Variants in PTPRZ1 observed in about 807,000 individuals in gnomAD.
PTPRZ1 encodes protein tyrosine phosphatase receptor type Z1, also known as receptor-type tyrosine-protein phosphatase zeta.
PTPRZ1 carries 82 observed loss-of-function variants against 214.1 expected under a neutral mutation model. The ratio of observed to expected loss-of-function variants is 0.38; its 90% CI spans 0.32 to 0.46. The LOEUF (loss-of-function observed/expected upper bound fraction) is 0.46, where lower values mean the gene tolerates loss of function less well. PTPRZ1 is among the 20% of genes least tolerant of loss of function. The probability of loss-of-function intolerance (pLI) is 1.00; values close to 1 mark genes in which losing one functional copy is unlikely to be tolerated. For synonymous variants in PTPRZ1, 945 were observed against 987.9 expected (o/e 0.96, Z 0.81); for missense variants, 2,603 against 2,748.7 (o/e 0.95, Z 1.19).
In PTPRZ1 at chr7:122,044,476, A is replaced by G. The variant is rs1799821721; in HGVS notation, c.5992A>G (p.Thr1998Ala). The change falls in exon 23 of 30, where the codon ACT (threonine) becomes GCT (alanine). Residue 1998 changes from threonine to alanine, a missense_variant. Physicochemically the swap from Thr to Ala is moderately conservative, Grantham distance 58. Transcript: ENST00000393386. ...TLVEAILSKETEVLDSHIHAY... is the reference protein window; with the variant it reads ...TLVEAILSKEAEVLDSHIHAY... Reference sequence around the variant, plus strand: ...GGTTGAGGCCATACTTAGTAAAGAAACTGAGGTGCTGGACAGTCATATTCA... The same window carrying G: ...GGTTGAGGCCATACTTAGTAAAGAAGCTGAGGTGCTGGACAGTCATATTCA... The G allele has an allele frequency of 1.2e-6, 2 of 1,613,954 alleles. No homozygotes were observed. Among genetic ancestry groups the G allele is most frequent in the Non-Finnish European group, 1.7e-6 (2 of 1,179,838 alleles).
rs115756884 is a variant in PTPRZ1, at chr7:122,034,407, T to C, written c.5284+29T>C. The C allele has an allele frequency of 2.9e-4, 461 of 1,590,888 alleles. 3 individuals are homozygous for C. In the African/African-American group the frequency reaches 5.3e-3, roughly 18 times the overall value. On this transcript the variant is annotated intron_variant, in intron 17 of 29. Coordinates refer to ENST00000393386, the MANE Select transcript of PTPRZ1 (RefSeq NM_002851.3). ...AGTATATTCTTAAATCAGCTCTGAC[T>C]TCAATATCATTGCCATTTTGGTGCC...
At chr7:121,951,615 G>A (rs1796543672) in intron 2 of PTPRZ1, among the ~76,000 whole-genome samples, 1 of 152,202 alleles carries the variant, frequency 6.6e-6, no homozygotes, top group African/African-American at 2.4e-5. Context: ...TCAAACAGGT[G>A]TCAGCTGGGG....
At chr7:122,055,729 A>G (rs887057005) in intron 27 of PTPRZ1, among the ~76,000 whole-genome samples, 1 of 151,950 alleles carries the variant, frequency 6.6e-6, no homozygotes, top group Non-Finnish European at 1.5e-5. Context: ...ATGATTATTT[A>G]CATAGAACTA....
intron 2 of PTPRZ1, among the ~76,000 whole-genome samples, chr7:121,939,252 C>G (rs1442669612): frequency 6.6e-6 from 1 of 152,134 alleles, no homozygotes; most frequent in African/African-American, 2.4e-5. Flanking sequence ...AGCTAAAAAT[C>G]GTAATGAATT....
intron 8 of PTPRZ1, among the ~76,000 whole-genome samples, chr7:121,991,784 A>C (rs1797971992): frequency 6.6e-6 from 1 of 152,258 alleles, no homozygotes; most frequent in African/African-American, 2.4e-5. Flanking sequence ...TAAAGTGAAT[A>C]TGTAATCATT....
chr7:121,908,783 C>A (rs771195994), intron 1 of PTPRZ1: 2 of 493,396 alleles, frequency 4.1e-6, no homozygotes, highest in Admixed American at 2.2e-5. Context: ...AATAGTGCTA[C>A]TCATCTTTCT....
chr7:121,927,250 G>A (rs761229325), intron 1 of PTPRZ1, among the ~76,000 whole-genome samples: 16 of 152,136 alleles, frequency 1.1e-4, no homozygotes, highest in Non-Finnish European at 1.5e-4. Context: ...TCTGCCATCC[G>A]CAATCAGGTT....
Position 122,013,669 on chromosome 7 carries a change from A to T in PTPRZ1, c.4623A>T (p.Ala1541=), listed in dbSNP as rs760432259. Residue 1541 remains alanine, a synonymous_variant, in exon 12 of 30, where the codon GCA becomes GCT. Transcript: ENST00000393386. ...TCAGCCCTGAATCTAAAGCATGGGC[A>T]GTTCTGACAAGTGATGAAGAAAGTG... The part of the protein sequence containing the change: ...LPLSPESKAW[A]VLTSDEESGS... 2 of 1,614,232 alleles carry T rather than the reference A, an allele frequency of 1.2e-6. No homozygotes were observed. Among genetic ancestry groups the T allele is most frequent in the East Asian group, 2.2e-5 (1 of 44,886 alleles).
intron 2 of PTPRZ1, among the ~76,000 whole-genome samples, chr7:121,956,912 T>TC (rs541924399): frequency 2.0e-4 from 30 of 151,294 alleles, no homozygotes; most frequent in Admixed American, 2.0e-4. Context: ...ATATGCTCCT[T>TC]CCCCCCCAAA....
chr7:122,004,430 G>C (rs915486115), intron 10 of PTPRZ1, among the ~76,000 whole-genome samples, 184 bp from the exon 11 acceptor site: 1 of 152,064 alleles, frequency 6.6e-6, no homozygotes, highest in Non-Finnish European at 1.5e-5. Context: ...GTAGTGTTGT[G>C]TTGTAGTGTT....
chr7:122,010,749 A>C lies in PTPRZ1; in HGVS notation c.1703A>C (p.Tyr568Ser). Residue 568 changes from tyrosine to serine, a missense_variant, in exon 12 of 30, where the codon TAT (tyrosine) becomes TCT (serine). By Grantham distance (144) the Tyr-to-Ser change is moderately radical. Around this residue, in one of 6 missense-constraint regions of PTPRZ1, gnomAD observed 1,913 missense variants for 1,914.3 expected, o/e 1.00. Coordinates refer to ENST00000393386, the MANE Select transcript of PTPRZ1 (RefSeq NM_002851.3). ...ESLNTVSITE[Y>S]EEESLLTSFK... ...TTAAATACAGTTTCTATAACAGAAT[A>C]TGAGGAGGAGAGTTTATTGACCAGT... 1 of 1,614,000 alleles carries C rather than the reference A, an allele frequency of 6.2e-7. No individual in the cohort carries two copies. Among genetic ancestry groups the C allele is most frequent in the Non-Finnish European group, 8.5e-7 (1 of 1,179,954 alleles).
At chr7:121,915,835 TTG>T (rs1410412475) in intron 1 of PTPRZ1, among the ~76,000 whole-genome samples, 2 of 152,224 alleles carry the variant, frequency 1.3e-5, no homozygotes, top group South Asian at 2.1e-4. Flanking sequence ...ATCTTTGTCT[TTG>T]TGTTCTATGA....
At position 122,013,727 on chromosome 7, in the gene PTPRZ1, G is replaced by A; in HGVS notation, c.4681G>A (p.Glu1561Lys). The change falls in exon 12 of 30, where the codon GAG (glutamate) becomes AAG (lysine). Residue 1561 changes from glutamate to lysine, a missense_variant. This residue lies in a region of PTPRZ1 where 1,913 missense variants were observed against 1,914.3 expected (regional missense o/e 1.00). Coordinates refer to ENST00000393386, the MANE Select transcript of PTPRZ1 (RefSeq NM_002851.3). ...GCAAGGTACCTCAGATAGCCTTAAT[G>A]AGAATGAGACTTCCACAGATTTCAG... ...SGQGTSDSLN[E>K]NETSTDFSFA... The A allele has an allele frequency of 6.2e-7, 1 of 1,614,208 alleles. No homozygotes were observed.
chr7:122,011,444 T>A lies in PTPRZ1; in HGVS notation c.2398T>A (p.Phe800Ile). The A allele has an allele frequency of 1.2e-6, 2 of 1,614,156 alleles. No homozygotes were observed. Among genetic ancestry groups the A allele is most frequent in the Non-Finnish European group, 1.7e-6 (2 of 1,180,014 alleles). Residue 800 changes from phenylalanine (F) to isoleucine (I), a missense_variant, in exon 12 of 30, where the codon TTT (phenylalanine) becomes ATT (isoleucine). Physicochemically the swap from Phe to Ile is conservative, Grantham distance 21 (BLOSUM62 0). Transcript: ENST00000393386. ...TTCGGCCTTGCATGCTACGCCTGTATTTCCCAGTGTCGATGTGTCATTTGA... is the reference window on the plus strand; with the variant it reads ...TTCGGCCTTGCATGCTACGCCTGTAATTCCCAGTGTCGATGTGTCATTTGA... ...SDSALHATPV[F>I]PSVDVSFESI...
intron 2 of PTPRZ1, among the ~76,000 whole-genome samples, chr7:121,957,200 C>T (rs546369667): frequency 6.6e-6 from 1 of 152,164 alleles, no homozygotes; most frequent in South Asian, 2.1e-4. Context: ...CCTTTTTAGG[C>T]CTGGGCTCTG....
chr7:121,954,479 T>G (rs1399065880), intron 2 of PTPRZ1, among the ~76,000 whole-genome samples: 2 of 152,208 alleles, frequency 1.3e-5, no homozygotes, highest in Non-Finnish European at 2.9e-5. Context: ...ACCTGTTTAT[T>G]GAGACTTATT....
chr7:121,966,130 G>A (rs1443708487), intron 2 of PTPRZ1, among the ~76,000 whole-genome samples: 1 of 152,114 alleles, frequency 6.6e-6, no homozygotes, highest in Non-Finnish European at 1.5e-5. Context: ...TTACTTCAGG[G>A]GATGTCAAAG....
At chr7:121,983,329 TG>T (rs1484625339) in intron 6 of PTPRZ1, among the ~76,000 whole-genome samples, 1 of 152,180 alleles carries the variant, frequency 6.6e-6, no homozygotes, top group Non-Finnish European at 1.5e-5. Context: ...AGAATAAGGT[TG>T]TGTTTTTATT....
At chr7:122,050,794 G>C (rs1792155421) in intron 23 of PTPRZ1, among the ~76,000 whole-genome samples, 1 of 152,102 alleles carries the variant, frequency 6.6e-6, no homozygotes, top group South Asian at 2.1e-4. Context: ...TTAAGACGAT[G>C]CAAATCAAAA....
Sources: gnomAD v4.1 joint callset for allele counts (sites outside exome capture counted in the v4.1 genomes callset) on GRCh38, gnomAD v4.1.1 for gene constraint, gnomAD v4.1.1 regional missense constraint, MANE v1.5 for transcripts, NCBI Gene and HGNC (gene_info 2026-07-23, HGNC 2026-07-21) for gene names.